The following SIL1 variants were observed in gnomAD, a reference collection of about 807,000 sequenced individuals.
The protein encoded by SIL1 is SIL1 nucleotide exchange factor.
SIL1 carries 40 observed loss-of-function variants against 49.1 expected under a neutral mutation model. The ratio of observed to expected loss-of-function variants is 0.81; its 90% CI spans 0.63 to 1.06. SIL1 has a LOEUF of 1.06. Among genes scored for constraint, SIL1 ranks in the 50% least tolerant of loss-of-function variants. The probability of loss-of-function intolerance (pLI) is 0.00; values close to 1 mark genes in which losing one functional copy is unlikely to be tolerated. For missense variants in SIL1, 500 were observed against 572.6 expected (o/e 0.87, Z 1.29); for synonymous variants, 253 against 250.8 (o/e 1.01, Z -0.08).
chr5:139,052,678 C>T (rs1013869425), intron 3 of SIL1, among the ~76,000 whole-genome samples: 4 of 151,628 alleles, frequency 2.6e-5, no homozygotes, highest in African/African-American at 4.8e-5. Flanking sequence ...TGCAAGACTC[C>T]GTCTCAAAAA....
chr5:139,141,682 G>A (rs918294942), intron 1 of SIL1, among the ~76,000 whole-genome samples: 1 of 151,992 alleles, frequency 6.6e-6, no homozygotes, highest in Non-Finnish European at 1.5e-5. Flanking sequence ...AAAAATTGTT[G>A]AGTGGAAGTG....
intron 9 of SIL1, among the ~76,000 whole-genome samples, chr5:138,950,090 A>G (rs1766732970): frequency 6.6e-6 from 1 of 152,170 alleles, no homozygotes; most frequent in Non-Finnish European, 1.5e-5. Context: ...GTAGTGTGCT[A>G]GCAATGTGTC....
intron 5 of SIL1, among the ~76,000 whole-genome samples, chr5:139,037,416 T>C (rs534252074): frequency 1.2e-4 from 18 of 152,326 alleles, no homozygotes; most frequent in Admixed American, 6.5e-5. Flanking sequence ...AGCCCTTGTT[T>C]CTTGATTATT....
chr5:139,123,640 C>T (rs1358286170), intron 2 of SIL1, among the ~76,000 whole-genome samples: 1 of 152,090 alleles, frequency 6.6e-6, no homozygotes, highest in African/African-American at 2.4e-5. Context: ...TAAAATTTAC[C>T]TTGGAGGTGT....
rs1286394009 is a variant in SIL1 at position 139,159,666 on chromosome 5, T to C, written c.-10-31813A>G. On this transcript the variant is annotated intron_variant, in intron 1 of 9. Coordinates refer to ENST00000394817, the MANE Select transcript of SIL1 (RefSeq NM_022464.5). Reference sequence around the variant, plus strand: ...GACAAGTTCCTCTTAGAGAAGTGCCTATTCTTTATAACACAGTTGTGCTTG... The same window carrying C: ...GACAAGTTCCTCTTAGAGAAGTGCCCATTCTTTATAACACAGTTGTGCTTG... Among the ~76,000 whole-genome samples, 10 of 152,336 alleles carry C rather than the reference T, an allele frequency of 6.6e-5. No individual in the cohort carries two copies. The East Asian group carries it at 1.9e-3, about 29-fold the overall frequency.
chr5:139,099,697 TCTTA>T (rs1252334070), intron 3 of SIL1, among the ~76,000 whole-genome samples: 2 of 152,154 alleles, frequency 1.3e-5, no homozygotes, highest in African/African-American at 4.8e-5. Flanking sequence ...CATCATATGT[TCTTA>T]CTTATTTGTG....
At chr5:138,994,729 G>A (rs189033774) in intron 7 of SIL1, among the ~76,000 whole-genome samples, 8 of 152,228 alleles carry the variant, frequency 5.3e-5, no homozygotes, top group South Asian at 4.1e-4. Context: ...CGGGACACAC[G>A]TACAGGACAT....
intron 1 of SIL1, among the ~76,000 whole-genome samples, chr5:139,163,366 T>G (rs1751554680): frequency 6.6e-6 from 1 of 152,080 alleles, no homozygotes; most frequent in South Asian, 2.1e-4. Context: ...GTTTTGTTTT[T>G]TTTTCGGTTT....
chr5:139,026,764 G>A (rs756999153), intron 6 of SIL1, 37 bp downstream of exon 6: 1 of 1,596,816 alleles, frequency 6.3e-7, no homozygotes, highest in South Asian at 1.1e-5. Flanking sequence ...TTTTGGAGCT[G>A]TTAAAAGTCT....
At chr5:139,093,120 G>T (rs771543445) in intron 3 of SIL1, among the ~76,000 whole-genome samples, 9 of 152,076 alleles carry the variant, frequency 5.9e-5, no homozygotes, top group Non-Finnish European at 1.3e-4. Flanking sequence ...GCAACACTCC[G>T]TCTCTTTTGT....
chr5:139,197,410 T>C (rs1200182467), intron 1 of SIL1, among the ~76,000 whole-genome samples: 1 of 152,146 alleles, frequency 6.6e-6, no homozygotes, highest in Non-Finnish European at 1.5e-5. Flanking sequence ...TGTTTTTATT[T>C]AGGTTTATTG....
At chr5:139,039,856 G>C (rs1768999416) in intron 5 of SIL1, among the ~76,000 whole-genome samples, 1 of 152,192 alleles carries the variant, frequency 6.6e-6, no homozygotes, top group Non-Finnish European at 1.5e-5. Flanking sequence ...TATGGAAATA[G>C]AGGGATAAGT....
At chr5:139,001,085 G>A (rs1033836834) in intron 7 of SIL1, among the ~76,000 whole-genome samples, 3 of 152,022 alleles carry the variant, frequency 2.0e-5, no homozygotes, top group Non-Finnish European at 4.4e-5. Context: ...TGTGTGTGGG[G>A]GGGGAAACTA....
chr5:138,961,535 C>T (rs559951801), intron 7 of SIL1, among the ~76,000 whole-genome samples: 164 of 152,268 alleles, frequency 1.1e-3, no homozygotes, highest in Non-Finnish European at 2.1e-3. Context: ...CCATCCCTCT[C>T]ACTCTCAACA....
At chr5:139,038,910 C>T (rs1193307161) in intron 5 of SIL1, among the ~76,000 whole-genome samples, 7 of 152,212 alleles carry the variant, frequency 4.6e-5, no homozygotes, top group Non-Finnish European at 8.8e-5. Flanking sequence ...CCAACAGACA[C>T]CATGTTATCA....
intron 7 of SIL1, among the ~76,000 whole-genome samples, chr5:138,961,952 CTTTTT>C (rs10593901): frequency 8.4e-5 from 10 of 119,736 alleles, no homozygotes; most frequent in Non-Finnish European, 1.5e-4. Context: ...GTTCTCTAGA[CTTTTT>C]TTTTTTTTTT....
chr5:139,010,677 T>C (rs1422419739), intron 7 of SIL1, among the ~76,000 whole-genome samples: 5 of 149,896 alleles, frequency 3.3e-5, no homozygotes, highest in Non-Finnish European at 7.5e-5. Context: ...GTTTTCCTTC[T>C]AACAGACAGG....
At chr5:139,127,485 G>T (rs1378431204) in intron 2 of SIL1, among the ~76,000 whole-genome samples, 1 of 149,498 alleles carries the variant, frequency 6.7e-6, no homozygotes, top group Non-Finnish European at 1.5e-5. Flanking sequence ...GTAAATGGAA[G>T]ATTATAATTA....
At chr5:138,992,157 T>C (rs1241332836) in intron 7 of SIL1, among the ~76,000 whole-genome samples, 1 of 152,152 alleles carries the variant, frequency 6.6e-6, no homozygotes, top group Non-Finnish European at 1.5e-5. Context: ...GAGGAGACCT[T>C]GCCACAAATC....
Sources: allele counts gnomAD v4.1 joint callset (sites outside exome capture counted in the v4.1 genomes callset), GRCh38; gene constraint gnomAD v4.1.1; transcripts MANE v1.5; gene names NCBI Gene and HGNC (gene_info 2026-07-23, HGNC 2026-07-21).